The following CCSER2 variants were observed in gnomAD, a reference collection of about 807,000 sequenced individuals.
The protein encoded by CCSER2 is coiled-coil serine rich protein 2.
In CCSER2, 46 loss-of-function variants were observed where a neutral mutation model predicts 92.3. That is an observed-to-expected ratio of 0.50 (90% CI 0.39 to 0.64). The LOEUF is 0.64. Among genes scored for constraint, CCSER2 ranks in the 30% least tolerant of loss-of-function variants. The pLI is 0.00. For missense variants in CCSER2, 1,244 were observed against 1,238.9 expected, an observed-to-expected ratio of 1.00 and a Z score of -0.06; for synonymous variants, 433 against 431.4, an observed-to-expected ratio of 1.00 and a Z score of -0.04.
intron 3 of CCSER2, among the ~76,000 whole-genome samples, chr10:84,395,116 T>G (rs1427880684): frequency 1.1e-4 from 17 of 151,290 alleles, no homozygotes. Flanking sequence ...TCCAGCTACT[T>G]GGGAAGCTGA....
In CCSER2 at chr10:84,415,079, G is replaced by A. The variant is rs547303623; in HGVS notation, c.1615-2692G>A. Among the ~76,000 whole-genome samples the A allele has an allele frequency of 3.9e-5, 6 of 152,194 alleles. No individual in the cohort carries two copies. The South Asian group carries it at 1.0e-3, about 26-fold the overall frequency. On this transcript the variant is annotated intron_variant, in intron 3 of 9. Transcript: ENST00000372088. ...TTATCATTCTGAGCTTCTTTGCATT[G>A]GGTAATAACATGCTCCTTTAGCTCA...
Position 84,518,386 on chromosome 10 carries a change from T to G in CCSER2, c.*4119T>G, listed in dbSNP as rs1319203215. On this transcript the variant is annotated 3_prime_UTR_variant, in exon 10 of 10. Coordinates refer to ENST00000372088, the MANE Select transcript of CCSER2 (RefSeq NM_001284240.2). ...ATATCTGCAGTATTGTTTTTCCCAT[T>G]GATTTTAAGTCAGTTTAGAGTACAA... The G allele has an allele frequency of 2.6e-5, 4 of 152,668 alleles. No individual in the cohort carries two copies. The highest frequency in any genetic ancestry group is 9.6e-5 in the African/African-American group (4 of 41,462). 9.5% of individuals were successfully genotyped at this position (152,668 alleles called of 1,614,324 possible).
intron 9 of CCSER2, among the ~76,000 whole-genome samples, chr10:84,512,785 A>G (rs866042102): frequency 2.6e-5 from 4 of 151,968 alleles, no homozygotes; most frequent in Middle Eastern, 6.9e-3. Context: ...TCTGTTTTTC[A>G]CATGTCAGCC....
intron 1 of CCSER2, among the ~76,000 whole-genome samples, chr10:84,364,693 T>C (rs999699747): frequency 1.3e-5 from 2 of 152,136 alleles, no homozygotes; most frequent in Non-Finnish European, 2.9e-5. Flanking sequence ...AGCGAGAAGC[T>C]TGATTTACAG....
intron 8 of CCSER2, among the ~76,000 whole-genome samples, chr10:84,472,481 A>G (rs1348555081): frequency 1.3e-5 from 2 of 152,186 alleles, no homozygotes; most frequent in Non-Finnish European, 2.9e-5. Context: ...CTGAGGCAGA[A>G]CAATCACTTG....
chr10:84,332,770 A>C (rs1843652327), intron 1 of CCSER2, among the ~76,000 whole-genome samples: 1 of 152,002 alleles, frequency 6.6e-6, no homozygotes, highest in Non-Finnish European at 1.5e-5. Context: ...TGGGCTGTTA[A>C]CATAGTGAGA....
chr10:84,398,239 G>A (rs989923972), intron 3 of CCSER2, among the ~76,000 whole-genome samples: 1 of 152,070 alleles, frequency 6.6e-6, no homozygotes, highest in Non-Finnish European at 1.5e-5. Flanking sequence ...GCACCTCTTT[G>A]ACCATTCTCC....
chr10:84,436,325 CAAAAAAAAAAA>C (rs1160681619), intron 5 of CCSER2, among the ~76,000 whole-genome samples: 12 of 14,340 alleles, frequency 8.4e-4, no homozygotes, highest in African/African-American at 4.3e-3. Flanking sequence ...GACTCCGTCT[CAAAAAAAAAAA>C]AAAAAAAAAA....
chr10:84,446,848 T>A (rs1268055361), intron 6 of CCSER2, among the ~76,000 whole-genome samples: 3 of 152,172 alleles, frequency 2.0e-5, no homozygotes, highest in Admixed American at 6.5e-5. Context: ...TTTAACTTTA[T>A]ATAAGTGAAA....
At chr10:84,343,403 T>C (rs1334723687) in intron 1 of CCSER2, among the ~76,000 whole-genome samples, 1 of 152,222 alleles carries the variant, frequency 6.6e-6, no homozygotes, top group Non-Finnish European at 1.5e-5. Flanking sequence ...AGGTCTAATA[T>C]CTAGAGTAGA....
intron 6 of CCSER2, among the ~76,000 whole-genome samples, chr10:84,456,213 A>G (rs577349651): frequency 8.0e-4 from 122 of 152,230 alleles, no homozygotes; most frequent in African/African-American, 2.9e-3. Flanking sequence ...AGCTATTACA[A>G]TCCCCTCCCA....
At chr10:84,497,340 T>C (rs1848507184) in intron 9 of CCSER2, among the ~76,000 whole-genome samples, 1 of 152,264 alleles carries the variant, frequency 6.6e-6, no homozygotes, top group Non-Finnish European at 1.5e-5. Context: ...TTTGTCTTTC[T>C]GGGCATAAGC....
chr10:84,474,309 A>G (rs1024575114), intron 8 of CCSER2, among the ~76,000 whole-genome samples: 1 of 152,120 alleles, frequency 6.6e-6, no homozygotes, highest in African/African-American at 2.4e-5. Context: ...ATTTATAGCC[A>G]TGTTCTCTGA....
intron 5 of CCSER2, among the ~76,000 whole-genome samples, chr10:84,437,659 C>T (rs1030928797): frequency 1.3e-5 from 2 of 150,488 alleles, no homozygotes; most frequent in Non-Finnish European, 3.0e-5. Context: ...CCTTATTCAG[C>T]ATGTATGTTA....
intron 1 of CCSER2, among the ~76,000 whole-genome samples, chr10:84,364,074 A>C (rs781518047): frequency 6.9e-6 from 1 of 145,338 alleles, no homozygotes; most frequent in Non-Finnish European, 1.5e-5. Flanking sequence ...TAAAAATACT[A>C]TATAAAAGAG....
chr10:84,398,417 G>T (rs1841953238), intron 3 of CCSER2, among the ~76,000 whole-genome samples: 1 of 152,102 alleles, frequency 6.6e-6, no homozygotes, highest in African/African-American at 2.4e-5. Context: ...CTGCTTATCA[G>T]GAAAATTATT....
intron 8 of CCSER2, among the ~76,000 whole-genome samples, chr10:84,476,917 A>G (rs1301849252): frequency 3.3e-5 from 5 of 152,166 alleles, no homozygotes; most frequent in Non-Finnish European, 7.4e-5. Flanking sequence ...TCTTCAAAAT[A>G]TTTCAGTCCA....
intron 1 of CCSER2, among the ~76,000 whole-genome samples, chr10:84,354,746 C>T (rs1161409987): frequency 3.3e-5 from 5 of 151,674 alleles, no homozygotes; most frequent in African/African-American, 1.2e-4. Flanking sequence ...CTCCTTTGAC[C>T]GGTAAACACC....
rs192126254 is a variant in CCSER2 at position 84,441,314 on chromosome 10, A to T, written c.2064+2607A>T. Among the ~76,000 whole-genome samples the T allele has an allele frequency of 2.0e-5, 3 of 152,032 alleles. No individual in the cohort carries two copies. The East Asian group carries it at 5.8e-4, about 29-fold the overall frequency. On this transcript the variant is annotated intron_variant, in intron 6 of 9. Coordinates refer to ENST00000372088, the MANE Select transcript of CCSER2 (RefSeq NM_001284240.2). ...TTTTATTTAACTGTTTATCTTGGCA[A>T]TCATATTTTCAATTTCCAAGAACTT...
Sources: allele counts gnomAD v4.1 joint callset (sites outside exome capture counted in the v4.1 genomes callset), GRCh38; gene constraint gnomAD v4.1.1; transcripts MANE v1.5; gene names NCBI Gene and HGNC (gene_info 2026-07-23, HGNC 2026-07-21).